ASPH: variants seen among roughly 807,000 people sequenced by gnomAD.
The protein encoded by ASPH is aspartate beta-hydroxylase, also known as aspartyl/asparaginyl beta-hydroxylase.
A neutral mutation model predicts 118.4 loss-of-function variants in ASPH; 100 were observed. That is an observed-to-expected ratio of 0.84 (90% CI 0.72 to 1.00). ASPH has a LOEUF of 1.00. Ranked by LOEUF, ASPH falls within the 50% of genes least tolerant of loss-of-function variation. The probability of loss-of-function intolerance (pLI) is 0.00; values close to 1 mark genes in which losing one functional copy is unlikely to be tolerated. For missense variants in ASPH, 920 were observed against 919.5 expected (o/e 1.00, Z -0.01); for synonymous variants, 315 against 325.6 (o/e 0.97, Z 0.35).
At chr8:61,607,259 G>A (rs1280154811) in intron 14 of ASPH, 2 of 702,310 alleles carry the variant, frequency 2.8e-6, no homozygotes, top group African/African-American at 1.7e-5. Context: ...ACACATGAAA[G>A]GATGGCTGAA....
At chr8:61,589,912 C>A (rs141909748) in intron 14 of ASPH, among the ~76,000 whole-genome samples, 1 of 151,974 alleles carries the variant, frequency 6.6e-6, no homozygotes, top group South Asian at 2.1e-4. Context: ...GGGAGGGGAG[C>A]CTTCTTGGGG....
intron 21 of ASPH, among the ~76,000 whole-genome samples, chr8:61,544,027 T>C (rs1563760619): frequency 6.6e-6 from 1 of 152,188 alleles, no homozygotes; most frequent in Non-Finnish European, 1.5e-5. Flanking sequence ...AGGTTTAAAA[T>C]GGTGACAATG....
chr8:61,567,640 T>A (rs1190554101), intron 16 of ASPH, among the ~76,000 whole-genome samples: 1 of 152,214 alleles, frequency 6.6e-6, no homozygotes, highest in Non-Finnish European at 1.5e-5. Flanking sequence ...CAAGTTCCCG[T>A]TCTTTCATTA....
At chr8:61,554,111 C>T (rs969485486) in intron 19 of ASPH, among the ~76,000 whole-genome samples, 1 of 152,146 alleles carries the variant, frequency 6.6e-6, no homozygotes, top group Non-Finnish European at 1.5e-5. Flanking sequence ...GTAAGCCATC[C>T]TATGTCAAAG....
chr8:61,549,525 T>C (rs1004939992), intron 20 of ASPH, among the ~76,000 whole-genome samples: 7 of 152,216 alleles, frequency 4.6e-5, no homozygotes, highest in Non-Finnish European at 1.0e-4. Context: ...AGAATGCATA[T>C]ACAAATCATT....
At chr8:61,581,178 C>A (rs1837401389) in intron 15 of ASPH, among the ~76,000 whole-genome samples, 1 of 152,180 alleles carries the variant, frequency 6.6e-6, no homozygotes, top group Admixed American at 6.5e-5. Flanking sequence ...TCCTGAGGGG[C>A]CATCAGCCTT....
chr8:61,542,868 T>G (rs1822462620), intron 21 of ASPH, among the ~76,000 whole-genome samples: 1 of 152,172 alleles, frequency 6.6e-6, no homozygotes, highest in Non-Finnish European at 1.5e-5. Context: ...TGGTTGGCAG[T>G]CTTTTCCTTT....
chr8:61,540,103 G>T lies in ASPH; in HGVS notation c.1764+7968C>A, dbSNP rs994621348. ...AAGCTGAAAAGAGAAAACTCTACTGGAATATTTTTCACTAATGTTTTCCTT... is the reference window on the plus strand; with the variant it reads ...AAGCTGAAAAGAGAAAACTCTACTGTAATATTTTTCACTAATGTTTTCCTT... On this transcript the variant is annotated intron_variant, in intron 21 of 24. Transcript: ENST00000379454. 2.0e-5 allele frequency among the ~76,000 whole-genome samples: 3 copies of T among 152,084 alleles called. No homozygotes were observed. The South Asian group carries it at 6.2e-4, about 32-fold the overall frequency.
chr8:61,578,929 C>T, intron 15 of ASPH: 1 of 1,611,414 alleles, frequency 6.2e-7, no homozygotes, highest in Non-Finnish European at 8.5e-7. Context: ...GAGCTGCAGT[C>T]CCAGATCTCG....
At chr8:61,663,378 G>A in intron 3 of ASPH, 1 of 985,404 alleles carries the variant, frequency 1.0e-6, no homozygotes, top group Non-Finnish European at 1.2e-6. Flanking sequence ...ATCTCTCCCA[G>A]AGCCATCTGC....
chr8:61,599,147 GA>G (rs1237766839), intron 14 of ASPH, among the ~76,000 whole-genome samples: 1 of 151,820 alleles, frequency 6.6e-6, no homozygotes, highest in Non-Finnish European at 1.5e-5. Flanking sequence ...AAAGATCAGA[GA>G]AAAACTAAAC....
At chr8:61,701,657 C>G (rs911740134) in intron 1 of ASPH, among the ~76,000 whole-genome samples, 5 of 152,092 alleles carry the variant, frequency 3.3e-5, no homozygotes, top group Non-Finnish European at 5.9e-5. Context: ...CTAGAAACCA[C>G]CAAATAATCA....
chr8:61,619,931 C>A (rs1383351048), intron 13 of ASPH, among the ~76,000 whole-genome samples: 2 of 152,114 alleles, frequency 1.3e-5, no homozygotes, highest in Non-Finnish European at 2.9e-5. Context: ...CAGACTCTGT[C>A]CTCTCCCACA....
chr8:61,642,870 A>G lies in ASPH; in HGVS notation c.790+18T>C, dbSNP rs755422318. On this transcript the variant is annotated intron_variant, in intron 10 of 24. Transcript: ENST00000379454. ...CAAAAAAAAAAAGAAAAAAAAAAAA[A>G]AGAAAGCATTTGCAAACCTTGTTCC... 6.5e-7 allele frequency: 1 copy of G among 1,545,008 alleles called. No individual in the cohort carries two copies. The highest frequency in any genetic ancestry group is 1.4e-5 in the African/African-American group (1 of 70,978).
intron 3 of ASPH, among the ~76,000 whole-genome samples, chr8:61,679,605 A>G (rs188271555): frequency 6.6e-6 from 1 of 152,172 alleles, no homozygotes; most frequent in Admixed American, 6.6e-5. Context: ...AGATGAGAGT[A>G]ATATTATTTC....
At chr8:61,610,856 C>T (rs1847105097) in intron 14 of ASPH, among the ~76,000 whole-genome samples, 1 of 152,294 alleles carries the variant, frequency 6.6e-6, no homozygotes, top group Admixed American at 6.5e-5. Context: ...AGCAAAAAGA[C>T]AAAGACAGAT....
chr8:61,638,051 G>T, intron 11 of ASPH, 48 bp from the exon 12 acceptor site: 1 of 1,530,040 alleles, frequency 6.5e-7, no homozygotes, highest in South Asian at 1.2e-5. Flanking sequence ...GCTGACCAGT[G>T]ACACATCTTA....
chr8:61,674,993 T>C (rs1158255885), intron 3 of ASPH, among the ~76,000 whole-genome samples: 1 of 152,188 alleles, frequency 6.6e-6, no homozygotes, highest in Non-Finnish European at 1.5e-5. Flanking sequence ...AGAAGAGCTT[T>C]GCTTGAGGGG....
intron 21 of ASPH, among the ~76,000 whole-genome samples, chr8:61,544,499 C>A (rs1298419338): frequency 6.6e-6 from 1 of 152,064 alleles, no homozygotes; most frequent in African/African-American, 2.4e-5. Context: ...TACCTTTGTC[C>A]CTTGCTCCTA....
Sources: allele counts gnomAD v4.1 joint callset (sites outside exome capture counted in the v4.1 genomes callset), GRCh38; gene constraint gnomAD v4.1.1; transcripts MANE v1.5; gene names NCBI Gene and HGNC (gene_info 2026-07-23, HGNC 2026-07-21).